The following CALN1 variants were observed in gnomAD, a reference collection of about 807,000 sequenced individuals.
CALN1 encodes the protein calneuron 1, also known as calcium-binding protein 8.
In CALN1, 17 loss-of-function variants were observed where a neutral mutation model predicts 30.6. The ratio of observed to expected loss-of-function variants is 0.56; its 90% CI spans 0.38 to 0.83. CALN1 has a LOEUF of 0.83. CALN1 is among the 40% of genes least tolerant of loss of function. CALN1 has a pLI of 0.00. For synonymous variants in CALN1, 156 were observed against 131.4 expected (o/e 1.19, Z -1.28); for missense variants, 291 against 354.9 (o/e 0.82, Z 1.45).
At chr7:72,319,717 A>G (rs992465677) in intron 2 of CALN1, among the ~76,000 whole-genome samples, 1 of 152,198 alleles carries the variant, frequency 6.6e-6, no homozygotes, top group Non-Finnish European at 1.5e-5. Context: ...TTTAATTTTT[A>G]AAAGAACAGA....
At chr7:71,801,481 G>A (rs1364415860) in intron 6 of CALN1, among the ~76,000 whole-genome samples, 1 of 129,762 alleles carries the variant, frequency 7.7e-6, no homozygotes, top group East Asian at 2.1e-4. Context: ...TCGAGACAGG[G>A]TTTTGCCATG....
chr7:72,321,614 G>C (rs1198052954), intron 2 of CALN1, among the ~76,000 whole-genome samples: 2 of 152,208 alleles, frequency 1.3e-5, no homozygotes, highest in African/African-American at 2.4e-5. Context: ...AACTGCAGAA[G>C]CAAAGAATTT....
chr7:71,978,417 A>AC (rs901049721), intron 5 of CALN1, among the ~76,000 whole-genome samples: 16 of 149,726 alleles, frequency 1.1e-4, no homozygotes, highest in East Asian at 7.9e-4. Context: ...GACTACAGGC[A>AC]CCCCCCCACC....
At chr7:72,273,039 C>A (rs1348392033) in intron 3 of CALN1, among the ~76,000 whole-genome samples, 1 of 144,390 alleles carries the variant, frequency 6.9e-6, no homozygotes, top group Non-Finnish European at 1.5e-5. Context: ...ACAGCAGGAA[C>A]AACCACCGAG....
intron 3 of CALN1, among the ~76,000 whole-genome samples, chr7:72,150,252 G>A (rs1184246946): frequency 6.6e-6 from 1 of 152,152 alleles, no homozygotes; most frequent in Non-Finnish European, 1.5e-5. Context: ...TTGCTTGAGG[G>A]GGCCTAAATT....
rs546229626 is a variant in CALN1 at position 72,418,224 on chromosome 7, T to C, written c.-225-5949A>G. Among the ~76,000 whole-genome samples the C allele has an allele frequency of 1.3e-4, 20 of 152,268 alleles. No homozygotes were observed. In the East Asian group the frequency reaches 2.5e-3, roughly 19 times the overall value. On this transcript the variant is annotated intron_variant, in intron 1 of 6. Coordinates refer to the CALN1 transcript ENST00000395276. Reference sequence around the variant, plus strand: ...CAAGTGAGAACATGCAGTATTTGGTTTTCTGTTCCTGCATTAATCTGCTTA... The same window carrying C: ...CAAGTGAGAACATGCAGTATTTGGTCTTCTGTTCCTGCATTAATCTGCTTA...
At position 71,810,392 on chromosome 7, in the gene CALN1, T is replaced by G; in HGVS notation, c.602A>C (p.Asn201Thr). ...GGTCTCATTCAGGCTCTCTTCCTCATTGATAATGATGTTCTCAATGTCCTT... is the reference window on the plus strand; with the variant it reads ...GGTCTCATTCAGGCTCTCTTCCTCAGTGATAATGATGTTCTCAATGTCCTT... ...TMKDIENIII[N>T]EEESLNETSG... The change falls in exon 6 of 7, where the codon AAT (asparagine) becomes ACT (threonine). Residue 201 changes from asparagine (N) to threonine (T), a missense_variant. Coordinates refer to ENST00000395275, the MANE Select transcript of CALN1 (RefSeq NM_031468.4). 4.3e-6 allele frequency: 7 copies of G among 1,614,166 alleles called. No homozygotes were observed. The highest frequency in any genetic ancestry group is 5.9e-6 in the Non-Finnish European group (7 of 1,180,022).
At chr7:72,116,075 C>G (rs1807965376) in intron 3 of CALN1, among the ~76,000 whole-genome samples, 1 of 152,026 alleles carries the variant, frequency 6.6e-6, no homozygotes, top group Non-Finnish European at 1.5e-5. Flanking sequence ...TCTGGGCACA[C>G]TTTTAAAAAG....
chr7:72,364,122 C>G (rs753415065), intron 2 of CALN1, among the ~76,000 whole-genome samples: 2 of 151,598 alleles, frequency 1.3e-5, no homozygotes, highest in Admixed American at 1.3e-4. Flanking sequence ...CTAAGGGACA[C>G]GAAAAGACAC....
chr7:72,449,587 G>A (rs773468328), upstream of CALN1, among the ~76,000 whole-genome samples: 2 of 152,010 alleles, frequency 1.3e-5, no homozygotes, highest in Non-Finnish European at 2.9e-5. Flanking sequence ...AGAATCTGCC[G>A]TCAGGCTGGG....
At chr7:72,346,838 G>A (rs899009357) in intron 2 of CALN1, among the ~76,000 whole-genome samples, 1 of 152,060 alleles carries the variant, frequency 6.6e-6, no homozygotes, top group Non-Finnish European at 1.5e-5. Flanking sequence ...TTTTAACACA[G>A]AATAAAGTAG....
intron 2 of CALN1, among the ~76,000 whole-genome samples, chr7:72,379,493 C>T (rs1804766109): frequency 6.6e-6 from 1 of 152,254 alleles, no homozygotes; most frequent in Non-Finnish European, 1.5e-5. Flanking sequence ...CACTCAACCT[C>T]TACAAGCAGC....
intron 5 of CALN1, among the ~76,000 whole-genome samples, chr7:71,975,272 T>G (rs1217586433): frequency 6.6e-6 from 1 of 152,162 alleles, no homozygotes; most frequent in African/African-American, 2.4e-5. Context: ...ATCTGTGTCC[T>G]CAGTCATAAA....
intron 3 of CALN1, among the ~76,000 whole-genome samples, chr7:72,179,228 C>A (rs1789582982): frequency 6.6e-6 from 1 of 152,166 alleles, no homozygotes; most frequent in South Asian, 2.1e-4. Context: ...ATACGTCTAA[C>A]CAGGACAGCT....
At chr7:72,402,321 C>T (rs1157388594) in intron 2 of CALN1, among the ~76,000 whole-genome samples, 2 of 152,316 alleles carry the variant, frequency 1.3e-5, no homozygotes, top group South Asian at 2.1e-4. Context: ...GGAGAAACTG[C>T]TGAACATCAG....
chr7:72,490,898 C>A, the CALN1 span, among the ~76,000 whole-genome samples: 1 of 152,132 alleles, frequency 6.6e-6, no homozygotes, highest in Non-Finnish European at 1.5e-5. Flanking sequence ...TGGACTAATA[C>A]AGTGTTGTTG....
At chr7:72,337,115 G>A (rs764573211) in intron 2 of CALN1, 224 of 985,846 alleles carry the variant, frequency 2.3e-4, no homozygotes, top group Non-Finnish European at 2.6e-4. Context: ...GCTGCGCCCC[G>A]GAGCCCAGTG....
intron 2 of CALN1, among the ~76,000 whole-genome samples, chr7:72,329,754 G>C (rs1382304580): frequency 6.6e-6 from 1 of 151,690 alleles, no homozygotes; most frequent in African/African-American, 2.4e-5. Context: ...AGGAGTTCGA[G>C]ACCAGCGCGG....
intron 5 of CALN1, among the ~76,000 whole-genome samples, chr7:71,870,226 T>A (rs1285267636): frequency 6.6e-6 from 1 of 151,986 alleles, no homozygotes; most frequent in Non-Finnish European, 1.5e-5. Context: ...CTACTAAGAA[T>A]ACAAAAATTA....
Sources: gnomAD v4.1 joint callset for allele counts (sites outside exome capture counted in the v4.1 genomes callset) on GRCh38, gnomAD v4.1.1 for gene constraint, MANE v1.5 for transcripts, NCBI Gene and HGNC (gene_info 2026-07-23, HGNC 2026-07-21) for gene names.